The following COL23A1 variants were observed in gnomAD, a reference collection of about 807,000 sequenced individuals.
COL23A1 encodes collagen type XXIII alpha 1 chain, also known as collagen alpha-1(XXIII) chain.
In COL23A1, 97 loss-of-function variants were observed where a neutral mutation model predicts 99.3. The ratio of observed to expected loss-of-function variants is 0.98; its 90% confidence interval spans 0.83 to 1.16. The LOEUF is 1.16. Ranked by LOEUF, COL23A1 falls within the 50% of genes most tolerant of loss-of-function variation. The pLI, the probability that COL23A1 is intolerant of heterozygous loss-of-function variation, is 0.00. For synonymous variants in COL23A1, 320 were observed against 308.2 expected (o/e 1.04, Z -0.40); for missense variants, 762 against 757.4 (o/e 1.01, Z -0.07).
chr5:178,556,038 T>C (rs1035565078), intron 2 of COL23A1, among the ~76,000 whole-genome samples: 3 of 152,074 alleles, frequency 2.0e-5, no homozygotes, highest in African/African-American at 4.8e-5. Flanking sequence ...CAGGCCTTCT[T>C]CCCTCCATCA....
At chr5:178,575,186 TA>T (rs1395547721) in intron 1 of COL23A1, among the ~76,000 whole-genome samples, 4 of 139,792 alleles carry the variant, frequency 2.9e-5, no homozygotes, top group African/African-American at 1.1e-4. Context: ...TGTCCTCCTT[TA>T]GGAAACAGGA....
chr5:178,457,531 T>C (rs922649334), intron 2 of COL23A1, among the ~76,000 whole-genome samples: 2 of 152,166 alleles, frequency 1.3e-5, no homozygotes, highest in Non-Finnish European at 2.9e-5. Flanking sequence ...TTCTTTATAA[T>C]AGCAAAAATT....
chr5:178,256,955 G>T, intron 13 of COL23A1, 27 bp from the exon 14 acceptor site: 1 of 1,610,890 alleles, frequency 6.2e-7, no homozygotes, highest in South Asian at 1.1e-5. Flanking sequence ...TGCAGTGAGA[G>T]CAAGTGTGAG....
Position 178,245,049 on chromosome 5 carries a change from TCATC to T in COL23A1, c.1440+889_1440+892del, listed in dbSNP as rs553615552. ...CATCCATCCATCCACTCATCATCTA[TCATC>T]CATCCATCCATCCACTCATCATCTA... On this transcript the variant is annotated intron_variant, in intron 25 of 28. Transcript: ENST00000390654. Among the ~76,000 whole-genome samples the T allele has an allele frequency of 3.3e-3, 437 of 134,436 alleles. 12 individuals carry two copies. Among genetic ancestry groups the T allele is most frequent in the African/African-American group, 0.012 (410 of 32,826 alleles). 88.2% of individuals were successfully genotyped at this position (134,436 alleles called of 152,430 possible). A position where few individuals can be genotyped will look rare whatever the true frequency, so the allele number is the denominator to read the frequency against.
chr5:178,423,827 C>T (rs1376548889), intron 2 of COL23A1, among the ~76,000 whole-genome samples: 1 of 152,166 alleles, frequency 6.6e-6, no homozygotes, highest in Non-Finnish European at 1.5e-5. Flanking sequence ...GCCCATGACG[C>T]TGTGCCTCAC....
At chr5:178,485,940 G>A (rs534445618) in intron 2 of COL23A1, among the ~76,000 whole-genome samples, 2 of 152,192 alleles carry the variant, frequency 1.3e-5, no homozygotes, top group African/African-American at 4.8e-5. Flanking sequence ...GGGTGCCGGG[G>A]TGCTTTGCAG....
intron 2 of COL23A1, among the ~76,000 whole-genome samples, chr5:178,337,995 C>G (rs924279204): frequency 1.3e-5 from 2 of 152,122 alleles, no homozygotes; most frequent in Admixed American, 1.3e-4. Flanking sequence ...AGGCTCCTGA[C>G]AACTCCGTGA....
intron 2 of COL23A1, among the ~76,000 whole-genome samples, chr5:178,558,438 T>C (rs1279593240): frequency 6.6e-6 from 1 of 152,034 alleles, no homozygotes; most frequent in Non-Finnish European, 1.5e-5. Flanking sequence ...TTGGGGACTT[T>C]CAAGCCTTCT....
At chr5:178,247,422 G>A in intron 22 of COL23A1, 104 bp downstream of exon 22, 6 of 1,344,262 alleles carry the variant, frequency 4.5e-6, no homozygotes, top group Non-Finnish European at 5.3e-6. Flanking sequence ...TCAGGGATGG[G>A]CCAGGGCGGA....
At chr5:178,460,951 A>AT (rs960639900) in intron 2 of COL23A1, among the ~76,000 whole-genome samples, 24 of 151,916 alleles carry the variant, frequency 1.6e-4, no homozygotes, top group African/African-American at 5.6e-4. Flanking sequence ...TCATGCCCCC[A>AT]TTTTTTTTAA....
At position 178,249,716 on chromosome 5, in the gene COL23A1, A is replaced by ACACTCACTCTCTCT; in HGVS notation, c.1059+344_1059+345insAGAGAGAGTGAGTG. On this transcript the variant is annotated intron_variant, in intron 18 of 28. Coordinates refer to ENST00000390654, the MANE Select transcript of COL23A1 (RefSeq NM_173465.4). Reference sequence around the variant, plus strand: ...CACACACACACACACACACACACACACTCTCTCTCTCTCTCTCTCTCTCTC... The same window carrying ACACTCACTCTCTCT: ...CACACACACACACACACACACACACACACTCACTCTCTCTCTCTCTCTCTCTCTCTCTCTCTCTC... Among the ~76,000 whole-genome samples the ACACTCACTCTCTCT allele has an allele frequency of 1.3e-3, 125 of 92,804 alleles. 1 individual carries two copies. Among genetic ancestry groups the ACACTCACTCTCTCT allele is most frequent in the South Asian group, 5.9e-3 (14 of 2,376 alleles). The allele number at this position is 92,804 out of a possible 152,430, so 60.9% of individuals were successfully genotyped here. A position where few individuals can be genotyped will look rare whatever the true frequency, so the allele number is the denominator to read the frequency against.
chr5:178,427,207 A>G (rs1018610670), intron 2 of COL23A1, among the ~76,000 whole-genome samples: 7 of 152,282 alleles, frequency 4.6e-5, no homozygotes, highest in South Asian at 2.1e-4. Context: ...AAATAATAAT[A>G]ATGATGATGA....
chr5:178,358,341 G>GGA (rs1761915934), intron 2 of COL23A1, among the ~76,000 whole-genome samples: 1 of 147,248 alleles, frequency 6.8e-6, no homozygotes, highest in Non-Finnish European at 1.5e-5. Flanking sequence ...TATGTCTAAT[G>GGA]TGTGTATTGT....
chr5:178,523,782 G>A (rs12651848), intron 2 of COL23A1: 57,194 of 152,028 alleles, frequency 0.38, 11,741 homozygotes, highest in Admixed American at 0.5. Flanking sequence ...TGCAGGCAAC[G>A]CACATTCCAG....
At chr5:178,248,590 G>GT (rs1344921217) in intron 19 of COL23A1, among the ~76,000 whole-genome samples, 2 of 152,132 alleles carry the variant, frequency 1.3e-5, no homozygotes, top group African/African-American at 2.4e-5. Flanking sequence ...CAGTGGTGGC[G>GT]TAACAGCTGG....
At chr5:178,473,971 T>C (rs1756899136) in intron 2 of COL23A1, among the ~76,000 whole-genome samples, 1 of 152,226 alleles carries the variant, frequency 6.6e-6, no homozygotes, top group African/African-American at 2.4e-5. Context: ...CTAAAGAAAC[T>C]GTGCTGAGCT....
intron 2 of COL23A1, among the ~76,000 whole-genome samples, chr5:178,433,453 G>A (rs4357054): frequency 0.11 from 15,992 of 152,192 alleles, 1,299 homozygotes; most frequent in African/African-American, 0.23. Flanking sequence ...GGAAGCTCTC[G>A]GAACCTCGTT....
intron 2 of COL23A1, among the ~76,000 whole-genome samples, chr5:178,430,372 G>A (rs748153020): frequency 6.6e-6 from 1 of 152,104 alleles, no homozygotes; most frequent in Non-Finnish European, 1.5e-5. Flanking sequence ...ATTTCCTAAG[G>A]ACATCAATGG....
chr5:178,371,868 A>AGAGTGAAATCCTTCT (rs920039280), intron 2 of COL23A1, among the ~76,000 whole-genome samples: 3 of 152,354 alleles, frequency 2.0e-5, no homozygotes, highest in Non-Finnish European at 4.4e-5. Flanking sequence ...GTTGCCAACT[A>AGAGTGAAATCCTTCT]GAGTGAAATC....
Sources: gnomAD v4.1 joint callset for allele counts (sites outside exome capture counted in the v4.1 genomes callset) on GRCh38, gnomAD v4.1.1 for gene constraint, MANE v1.5 for transcripts, NCBI Gene and HGNC (gene_info 2026-07-23, HGNC 2026-07-21) for gene names.